The following PLCL2 variants were observed in gnomAD, a reference collection of about 807,000 sequenced individuals.
PLCL2 encodes inactive phospholipase C-like protein 2.
Under a neutral mutation model 79.6 loss-of-function variants are expected in PLCL2, and 4 were observed. The ratio of observed to expected loss-of-function variants is 0.05; its 90% CI spans 0.02 to 0.11. PLCL2 has a LOEUF of 0.11. Ranked by LOEUF, PLCL2 falls within the 10% of genes least tolerant of loss-of-function variation. The probability of loss-of-function intolerance (pLI) is 1.00; values close to 1 mark genes in which losing one functional copy is unlikely to be tolerated. For synonymous variants in PLCL2, 484 were observed against 457.7 expected (o/e 1.06, Z -0.73); for missense variants, 895 against 1,291.0 (o/e 0.69, Z 4.70).
rs188654927 is a variant in PLCL2, at chr3:17,069,041, C to A, written c.3204+976C>A. 4.1e-4 allele frequency among the ~76,000 whole-genome samples: 62 copies of A among 152,260 alleles called. 1 individual carries two copies. Among genetic ancestry groups the A allele is most frequent in the African/African-American group, 1.5e-3 (61 of 41,550 alleles). ...TGAAGCTGCCTTGAAAACGACCTGA[C>A]AATTGACAGATTAGCAGGCATAAAA... On this transcript the variant is annotated intron_variant, in intron 5 of 5. Coordinates refer to ENST00000615277, the MANE Select transcript of PLCL2 (RefSeq NM_001144382.2).
chr3:17,004,264 A>G (rs368362197), intron 1 of PLCL2, among the ~76,000 whole-genome samples: 1 of 152,262 alleles, frequency 6.6e-6, no homozygotes, highest in South Asian at 2.1e-4. Context: ...GTAAACCGCC[A>G]TCTAAACTTT....
Position 17,036,179 on chromosome 3 carries a change from G to T in PLCL2, c.3019-6695G>T, listed in dbSNP as rs555452645. Among the ~76,000 whole-genome samples the T allele has an allele frequency of 1.9e-4, 29 of 152,274 alleles. No homozygotes were observed. In the South Asian group the frequency reaches 5.8e-3, roughly 30 times the overall value. ...CCAGCTCTCTGTCCTCCCCACAGTG[G>T]ACTGCAGCCACAATGCTCTCCCCAT... On this transcript the variant is annotated intron_variant, in intron 3 of 5. Coordinates refer to ENST00000615277, the MANE Select transcript of PLCL2 (RefSeq NM_001144382.2).
intron 1 of PLCL2, among the ~76,000 whole-genome samples, chr3:16,999,073 T>C (rs531145007): frequency 6.6e-6 from 1 of 152,344 alleles, no homozygotes; most frequent in Admixed American, 6.5e-5. Flanking sequence ...GCTTCAAATT[T>C]GTACTCTTAT....
chr3:17,035,896 T>C lies in PLCL2; in HGVS notation c.3019-6978T>C. The C allele has an allele frequency of 1.2e-5, 5 of 428,662 alleles. No homozygotes were observed. In the Admixed American group the frequency reaches 1.2e-4, roughly 11 times the overall value. 26.6% of individuals were successfully genotyped at this position (428,662 alleles called of 1,614,324 possible). A position where few individuals can be genotyped will look rare whatever the true frequency, so the allele number is the denominator to read the frequency against. On this transcript the variant is annotated intron_variant, in intron 3 of 5. Coordinates refer to ENST00000615277, the MANE Select transcript of PLCL2 (RefSeq NM_001144382.2). ...CACCCAAATATGCTCCTCTGTATGT[T>C]TGTTAACAGTTGAGTAGTGCTTTTT...
intron 1 of PLCL2, among the ~76,000 whole-genome samples, chr3:16,978,398 C>T (rs1347254171): frequency 1.3e-5 from 2 of 152,210 alleles, no homozygotes; most frequent in Non-Finnish European, 2.9e-5. Context: ...AGGCTGGTAA[C>T]AGCAATCCAA....
intron 1 of PLCL2, among the ~76,000 whole-genome samples, chr3:16,997,512 C>T (rs552946562): frequency 6.0e-5 from 9 of 151,190 alleles, no homozygotes; most frequent in African/African-American, 1.2e-4. Flanking sequence ...TCCCCCTCCA[C>T]ATACACATTA....
intron 1 of PLCL2, among the ~76,000 whole-genome samples, chr3:17,003,950 C>G (rs2064234963): frequency 6.6e-6 from 1 of 152,082 alleles, no homozygotes; most frequent in African/African-American, 2.4e-5. Context: ...TCTGGCACTC[C>G]CGGTTACCCT....
chr3:16,951,707 ACATAT>A (rs1194887558), intron 1 of PLCL2, among the ~76,000 whole-genome samples: 1 of 152,148 alleles, frequency 6.6e-6, no homozygotes, highest in Non-Finnish European at 1.5e-5. Flanking sequence ...TATAGTGCAC[ACATAT>A]CATTCATTTT....
chr3:16,990,021 A>G (rs1297505831), intron 1 of PLCL2, among the ~76,000 whole-genome samples: 1 of 152,178 alleles, frequency 6.6e-6, no homozygotes, highest in Non-Finnish European at 1.5e-5. Context: ...CGTATCTGAG[A>G]TTGTCACTCA....
At chr3:16,911,302 A>C (rs1696877789) in intron 1 of PLCL2, among the ~76,000 whole-genome samples, 1 of 151,884 alleles carries the variant, frequency 6.6e-6, no homozygotes, top group Non-Finnish European at 1.5e-5. Flanking sequence ...ATTTGAATAC[A>C]GGTCTGTCAG....
chr3:16,918,927 T>C (rs1422576009), intron 1 of PLCL2, among the ~76,000 whole-genome samples: 2 of 152,186 alleles, frequency 1.3e-5, no homozygotes, highest in Non-Finnish European at 2.9e-5. Context: ...ACAGCATGTA[T>C]AAACTTGTAT....
At chr3:16,969,786 A>G (rs936519793) in intron 1 of PLCL2, among the ~76,000 whole-genome samples, 2 of 151,272 alleles carry the variant, frequency 1.3e-5, no homozygotes, top group African/African-American at 4.9e-5. Context: ...TAGCTTTGGT[A>G]TTGGTTTGCT....
intron 1 of PLCL2, among the ~76,000 whole-genome samples, chr3:16,997,258 C>T (rs1436870727): frequency 1.3e-5 from 2 of 152,112 alleles, no homozygotes; most frequent in African/African-American, 4.8e-5. Flanking sequence ...TTACCTTCTA[C>T]TTGAGGAGAT....
At chr3:17,075,777 A>G (rs1158715724) in intron 5 of PLCL2, among the ~76,000 whole-genome samples, 1 of 152,206 alleles carries the variant, frequency 6.6e-6, no homozygotes, top group African/African-American at 2.4e-5. Context: ...TACATGGCAT[A>G]CAGTCTTTTC....
intron 1 of PLCL2, among the ~76,000 whole-genome samples, chr3:16,899,372 G>A (rs1029242076): frequency 2.0e-5 from 3 of 152,214 alleles, no homozygotes; most frequent in Admixed American, 6.5e-5. Flanking sequence ...GCCCATTGGG[G>A]TCATGTTTGA....
chr3:16,899,531 G>A (rs1339758796), intron 1 of PLCL2, among the ~76,000 whole-genome samples: 2 of 152,052 alleles, frequency 1.3e-5, no homozygotes, highest in Admixed American at 6.6e-5. Flanking sequence ...GTTCTGATTC[G>A]GGTCTGCACC....
chr3:16,989,654 A>T (rs1337759344), intron 1 of PLCL2, among the ~76,000 whole-genome samples: 1 of 152,210 alleles, frequency 6.6e-6, no homozygotes, highest in Non-Finnish European at 1.5e-5. Context: ...ATTTTTGGAC[A>T]CCATTGATGT....
chr3:17,054,759 A>T (rs564289278), intron 4 of PLCL2, among the ~76,000 whole-genome samples: 1 of 152,184 alleles, frequency 6.6e-6, no homozygotes, highest in Non-Finnish European at 1.5e-5. Context: ...TGAGATTTGG[A>T]TGGAGACACA....
At chr3:16,944,759 GTT>G (rs377143758) in intron 1 of PLCL2, among the ~76,000 whole-genome samples, 2 of 143,570 alleles carry the variant, frequency 1.4e-5, no homozygotes, top group Non-Finnish European at 3.1e-5. Flanking sequence ...TGTACTCCGG[GTT>G]TTTTTTTTTT....
Sources: allele counts gnomAD v4.1 joint callset (sites outside exome capture counted in the v4.1 genomes callset), GRCh38; gene constraint gnomAD v4.1.1; transcripts MANE v1.5; gene names NCBI Gene and HGNC (gene_info 2026-07-23, HGNC 2026-07-21).